RELN: variants seen among roughly 807,000 people sequenced by gnomAD.
The protein encoded by RELN is reelin.
RELN carries 108 observed loss-of-function variants against 427.6 expected under a neutral mutation model. That is an observed-to-expected ratio of 0.25 (90% CI 0.22 to 0.30). The LOEUF (loss-of-function observed/expected upper bound fraction) is 0.30, where lower values mean the gene tolerates loss of function less well. Among genes scored for constraint, RELN ranks in the 10% least tolerant of loss-of-function variants. The probability of loss-of-function intolerance (pLI) is 1.00; values close to 1 mark genes in which losing one functional copy is unlikely to be tolerated. For missense variants in RELN, 3,715 were observed against 4,302.8 expected (o/e 0.86, Z 3.82); for synonymous variants, 1,524 against 1,513.4 (o/e 1.01, Z -0.16).
intron 6 of RELN, among the ~76,000 whole-genome samples, chr7:103,748,556 G>A (rs867955878): frequency 5.3e-5 from 8 of 152,012 alleles, no homozygotes; most frequent in South Asian, 2.1e-4. Context: ...TAAACCATTC[G>A]TTACTTGAGA....
intron 1 of RELN, among the ~76,000 whole-genome samples, chr7:103,934,622 T>A (rs1274843281): frequency 6.6e-6 from 1 of 152,206 alleles, no homozygotes; most frequent in African/African-American, 2.4e-5. Context: ...GCCCCCACAC[T>A]GATAGACAAT....
At chr7:103,510,641 GAA>G (rs1225790489) in intron 51 of RELN, among the ~76,000 whole-genome samples, 2 of 151,872 alleles carry the variant, frequency 1.3e-5, no homozygotes, top group African/African-American at 4.8e-5. Context: ...AAAAAAAGAT[GAA>G]AAAAAGTTTC....
At chr7:103,861,985 C>T (rs1056102343) in intron 2 of RELN, among the ~76,000 whole-genome samples, 3 of 152,018 alleles carry the variant, frequency 2.0e-5, no homozygotes, top group Non-Finnish European at 2.9e-5. Context: ...AAAATAAAAA[C>T]ATAGAAGTAT....
In RELN at chr7:103,761,657, C is replaced by T. The variant is rs368729759; in HGVS notation, c.545-8443G>A. ...GGGGGGTAGAGACAAGATCTTACCA[C>T]ATTGCCCAGGCTGGTCTTGAACTCC... is the stretch of plus-strand genomic sequence containing the variant. On this transcript the variant is annotated intron_variant, in intron 4 of 64. Transcript: ENST00000428762. 9.3e-4 allele frequency among the ~76,000 whole-genome samples: 142 copies of T among 151,974 alleles called. 1 individual carries two copies. Among genetic ancestry groups the T allele is most frequent in the Middle Eastern group, 3.4e-3 (1 of 294 alleles).
chr7:103,577,787 C>T (rs1831038540), intron 28 of RELN, among the ~76,000 whole-genome samples: 1 of 152,202 alleles, frequency 6.6e-6, no homozygotes, highest in African/African-American at 2.4e-5. Flanking sequence ...GGAAAACATG[C>T]CAATTCCCTA....
rs1321782017 is a variant in RELN, at chr7:103,491,821, CTG to C, written c.9443+130_9443+131del. The stretch of plus-strand genomic sequence containing the variant: ...TCCAGCCTGGGCAACAAGAGCGAAA[CTG>C]TCTCTCTCTCTCTCTCTCTCTCTCT... On this transcript the variant is annotated intron_variant, in intron 58 of 64. Coordinates refer to ENST00000428762, the MANE Select transcript of RELN (RefSeq NM_005045.4). 187 of 676,670 alleles carry C rather than the reference CTG, an allele frequency of 2.8e-4. 1 individual carries two copies. The highest frequency in any genetic ancestry group is 3.7e-4 in the Non-Finnish European group (148 of 400,826). 41.9% of individuals were successfully genotyped at this position (676,670 alleles called of 1,614,324 possible). A position where few individuals can be genotyped will look rare whatever the true frequency, so the allele number is the denominator to read the frequency against.
chr7:103,809,101 G>A (rs1383206146), intron 3 of RELN, among the ~76,000 whole-genome samples: 1 of 152,150 alleles, frequency 6.6e-6, no homozygotes, highest in Non-Finnish European at 1.5e-5. Flanking sequence ...GGCTTCTCAA[G>A]CCACACAGAA....
intron 2 of RELN, 87 bp from the exon 3 acceptor site, chr7:103,833,759 C>A (rs1365279717): frequency 8.1e-6 from 11 of 1,362,102 alleles, no homozygotes; most frequent in Non-Finnish European, 1.1e-5. Context: ...GAATATTTTT[C>A]TTTCATGTTA....
At chr7:103,659,273 A>C (rs1833088082) in intron 12 of RELN, among the ~76,000 whole-genome samples, 1 of 151,972 alleles carries the variant, frequency 6.6e-6, no homozygotes, top group Non-Finnish European at 1.5e-5. Context: ...ATCTTCCATC[A>C]TACTCCTGCT....
At chr7:103,747,303 A>G (rs561030449) in intron 6 of RELN, among the ~76,000 whole-genome samples, 186 of 152,206 alleles carry the variant, frequency 1.2e-3, no homozygotes, top group African/African-American at 4.1e-3. Context: ...TAGGAGATAT[A>G]TCTAATGCTA....
In RELN at chr7:103,699,009, A is replaced by G. The variant is rs149376046; in HGVS notation, c.903-916T>C. 8.0e-4 allele frequency among the ~76,000 whole-genome samples: 122 copies of G among 152,312 alleles called. No individual in the cohort carries two copies. The South Asian group carries it at 0.013, about 16-fold the overall frequency. On this transcript the variant is annotated intron_variant, in intron 9 of 64. Coordinates refer to ENST00000428762, the MANE Select transcript of RELN (RefSeq NM_005045.4). ...CTTATAATACCTCACAATTTCACAT[A>G]GATCATCCTCAAAAACATGATATAA... is the stretch of plus-strand genomic sequence containing the variant.
rs772830098 is a variant in RELN, at chr7:103,661,386, G to A, written c.1431C>T (p.Tyr477=). 8.7e-6 allele frequency: 14 copies of A among 1,613,798 alleles called. No individual in the cohort carries two copies. The highest frequency in any genetic ancestry group is 1.2e-5 in the Non-Finnish European group (14 of 1,179,904). ...DTTGYGNLRF[Y]FVMGGICDPG... ...TGAAAATGTACTTACCCATCACAAA[G>A]TAAAACCTCAGGTTCCCATAACCGG... Residue 477 remains tyrosine (Y), a synonymous_variant, in exon 12 of 65, where the codon TAC becomes TAT. Coordinates refer to ENST00000428762, the MANE Select transcript of RELN (RefSeq NM_005045.4).
chr7:103,904,351 A>G (rs1795147939), intron 2 of RELN, among the ~76,000 whole-genome samples: 1 of 152,160 alleles, frequency 6.6e-6, no homozygotes, highest in Admixed American at 6.6e-5. Flanking sequence ...AATGATTTAT[A>G]TCCCTTTGGG....
chr7:103,879,281 T>A (rs1223688823), intron 2 of RELN, among the ~76,000 whole-genome samples: 2 of 152,212 alleles, frequency 1.3e-5, no homozygotes, highest in East Asian at 3.8e-4. Context: ...ACACACAAAG[T>A]GCTTAGCACA....
intron 3 of RELN, among the ~76,000 whole-genome samples, chr7:103,785,549 T>C (rs1036724930): frequency 6.6e-6 from 1 of 152,182 alleles, no homozygotes; most frequent in African/African-American, 2.4e-5. Context: ...TTATACTGTG[T>C]CACTTAACTT....
chr7:103,723,288 G>T lies in RELN; in HGVS notation c.754-97C>A, dbSNP rs1328485222. The stretch of plus-strand genomic sequence containing the variant: ...TACGGGGAGGGGAAGAGTTAAAAAA[G>T]AGGAGAGAGGAAATCCATTAACAGA... On this transcript the variant is annotated intron_variant, in intron 7 of 64. Coordinates refer to ENST00000428762, the MANE Select transcript of RELN (RefSeq NM_005045.4). 5.5e-6 allele frequency: 4 copies of T among 728,752 alleles called. No individual in the cohort carries two copies. In the Admixed American group the frequency reaches 8.2e-5, roughly 15 times the overall value. The allele number at this position is 728,752 out of a possible 1,614,324, so 45.1% of individuals were successfully genotyped here.
chr7:103,844,302 A>C (rs1446804138), intron 2 of RELN, among the ~76,000 whole-genome samples: 1 of 152,214 alleles, frequency 6.6e-6, no homozygotes, highest in Admixed American at 6.6e-5. Context: ...AATGCCAAAG[A>C]AATGCCCAGT....
At chr7:103,908,161 G>C (rs980130190) in intron 2 of RELN, among the ~76,000 whole-genome samples, 1 of 152,052 alleles carries the variant, frequency 6.6e-6, no homozygotes, top group African/African-American at 2.4e-5. Flanking sequence ...CGCTGATCCA[G>C]GCTCTAGGGG....
chr7:103,540,835 TCTGAAA>T (rs1320895032), intron 43 of RELN, among the ~76,000 whole-genome samples: 1 of 152,054 alleles, frequency 6.6e-6, no homozygotes, highest in Non-Finnish European at 1.5e-5. Context: ...CTCCTTAAAC[TCTGAAA>T]CTGAAAGTTT....
Sources: allele counts gnomAD v4.1 joint callset (sites outside exome capture counted in the v4.1 genomes callset), GRCh38; gene constraint gnomAD v4.1.1; transcripts MANE v1.5; gene names NCBI Gene and HGNC (gene_info 2026-07-23, HGNC 2026-07-21).